The following IL20RA variants were observed in gnomAD, a reference collection of about 807,000 sequenced individuals.
IL20RA encodes the protein interleukin-20 receptor subunit alpha.
In IL20RA, 29 loss-of-function variants were observed where a neutral mutation model predicts 36.5. The observed-to-expected ratio is 0.79, with a 90% CI of 0.59 to 1.08. The LOEUF (loss-of-function observed/expected upper bound fraction) is 1.08, where lower values mean the gene tolerates loss of function less well. IL20RA is among the 50% of genes least tolerant of loss of function. The pLI, the probability that IL20RA is intolerant of heterozygous loss-of-function variation, is 0.00. For missense variants in IL20RA, 652 were observed against 668.4 expected (o/e 0.98, Z 0.27); for synonymous variants, 279 against 267.1 (o/e 1.04, Z -0.43).
chr6:137,004,339 C>T (rs191589146), intron 6 of IL20RA, among the ~76,000 whole-genome samples: 1 of 151,920 alleles, frequency 6.6e-6, no homozygotes, highest in Admixed American at 6.6e-5. Context: ...CCACATCCAG[C>T]TAATTTTTGC....
chr6:137,014,564 T>A (rs537569419), intron 2 of IL20RA, among the ~76,000 whole-genome samples: 19 of 152,330 alleles, frequency 1.2e-4, no homozygotes, highest in Non-Finnish European at 2.1e-4. Flanking sequence ...AAGACATATT[T>A]GTTCCTAAAA....
intron 5 of IL20RA, among the ~76,000 whole-genome samples, chr6:137,005,965 T>C (rs1480794625): frequency 1.3e-5 from 2 of 152,202 alleles, no homozygotes. Context: ...TATATCGATA[T>C]GTGCATCTAT....
intron 1 of IL20RA, among the ~76,000 whole-genome samples, chr6:137,033,780 G>A (rs777897290): frequency 6.6e-6 from 1 of 152,134 alleles, no homozygotes; most frequent in East Asian, 1.9e-4. Flanking sequence ...GTAGCAAGGC[G>A]AGAATGGACC....
In IL20RA at chr6:137,011,258, T is replaced by C. The variant is rs371538746; in HGVS notation, c.403+16A>G. ...ATACATGTTTAACTGACCATTGCAA[T>C]AATGGCATTACTTACTTTCTAAAAA... On this transcript the variant is annotated intron_variant, in intron 3 of 6. Transcript: ENST00000316649. 1.2e-4 allele frequency: 185 copies of C among 1,589,960 alleles called. No individual in the cohort carries two copies. The highest frequency in any genetic ancestry group is 1.5e-4 in the Non-Finnish European group (173 of 1,164,992).
intron 5 of IL20RA, among the ~76,000 whole-genome samples, chr6:137,006,423 C>T (rs922034857): frequency 6.6e-5 from 10 of 152,160 alleles, no homozygotes; most frequent in African/African-American, 2.4e-4. Context: ...TAATACAATC[C>T]CTGGTCCCTG....
intron 1 of IL20RA, among the ~76,000 whole-genome samples, chr6:137,027,193 C>A (rs768641958): frequency 6.6e-6 from 1 of 152,114 alleles, no homozygotes; most frequent in Non-Finnish European, 1.5e-5. Flanking sequence ...AAAAGTAAGT[C>A]TTCTAAACAG....
At chr6:137,029,400 G>A (rs1582835270) in intron 1 of IL20RA, among the ~76,000 whole-genome samples, 1 of 152,156 alleles carries the variant, frequency 6.6e-6, no homozygotes, top group African/African-American at 2.4e-5. Flanking sequence ...TCAGCTACTC[G>A]AGAGGCTGAG....
chr6:137,002,560 C>A (rs1326005466), intron 6 of IL20RA, among the ~76,000 whole-genome samples: 3 of 152,182 alleles, frequency 2.0e-5, no homozygotes. Flanking sequence ...TAGTTGGAAG[C>A]GAGAAGTGAT....
intron 2 of IL20RA, among the ~76,000 whole-genome samples, chr6:137,014,262 A>G (rs1049929257): frequency 6.6e-6 from 1 of 152,056 alleles, no homozygotes; most frequent in South Asian, 2.1e-4. Context: ...AATATGGTAA[A>G]TTTTTTTAAT....
intron 1 of IL20RA, among the ~76,000 whole-genome samples, chr6:137,027,499 A>T (rs1776135285): frequency 6.6e-6 from 1 of 152,196 alleles, no homozygotes; most frequent in Non-Finnish European, 1.5e-5. Flanking sequence ...CCAAAGTTCT[A>T]GGGTCACACT....
intron 1 of IL20RA, among the ~76,000 whole-genome samples, chr6:137,043,745 T>C (rs1019063350): frequency 1.3e-5 from 2 of 152,190 alleles, no homozygotes; most frequent in Admixed American, 6.5e-5. Flanking sequence ...CTGAACGAAG[T>C]GTCTACAAAG....
At chr6:137,009,720 C>T (rs886956145) in intron 3 of IL20RA, among the ~76,000 whole-genome samples, 1 of 151,062 alleles carries the variant, frequency 6.6e-6, no homozygotes, top group Admixed American at 6.6e-5. Flanking sequence ...ATTCTCCTGC[C>T]TCAGCCTCCC....
Position 137,001,981 on chromosome 6 carries a change from C to G in IL20RA, c.1239G>C (p.Gly413=). 1 of 1,614,182 alleles carries G rather than the reference C, an allele frequency of 6.2e-7. No individual in the cohort carries two copies. Among genetic ancestry groups the G allele is most frequent in the Non-Finnish European group, 8.5e-7 (1 of 1,180,030 alleles). The part of the protein sequence containing the change: ...YDVRTTDICA[G]PEEQELSLQE... ...GCAAACTGAGCTCCTGCTCTTCAGGCCCCGCACAAATGTCAGTGGTTCTGA... is the reference window on the plus strand; with the variant it reads ...GCAAACTGAGCTCCTGCTCTTCAGGGCCCGCACAAATGTCAGTGGTTCTGA... Residue 413 remains glycine, a synonymous_variant, in exon 7 of 7, where the codon GGG becomes GGC. Transcript: ENST00000316649.
chr6:137,022,502 T>C (rs1775939721), intron 1 of IL20RA, among the ~76,000 whole-genome samples: 1 of 152,346 alleles, frequency 6.6e-6, no homozygotes, highest in African/African-American at 2.4e-5. Context: ...AATCATACTA[T>C]AGTCAATCCT....
chr6:137,044,803 C>G lies in IL20RA; in HGVS notation c.-75G>C, dbSNP rs562119825. On this transcript the variant is annotated 5_prime_UTR_variant, in exon 1 of 7. Transcript: ENST00000316649. ...CACGCCCGCTGGGGCCAAGCGCGGC[C>G]GCGCGGCCTCAGCTCCGCGCCTGGG... The G allele has an allele frequency of 8.1e-5, 97 of 1,193,812 alleles. No homozygotes were observed. The African/African-American group carries it at 1.4e-3, about 17-fold the overall frequency. The allele number at this position is 1,193,812 out of a possible 1,614,324, so 74.0% of individuals were successfully genotyped here.
Position 137,001,216 on chromosome 6 carries a change from A to C in IL20RA, c.*342T>G. On this transcript the variant is annotated 3_prime_UTR_variant, in exon 7 of 7. Coordinates refer to ENST00000316649, the MANE Select transcript of IL20RA (RefSeq NM_014432.4). ...GCATATGGGAAGTACCCAGAAAATAATTGTACAAGTGTGCTTGTTTGAAAA... is the reference window on the plus strand; with the variant it reads ...GCATATGGGAAGTACCCAGAAAATACTTGTACAAGTGTGCTTGTTTGAAAA... The C allele has an allele frequency of 5.4e-6, 1 of 186,574 alleles. No individual in the cohort carries two copies. 11.6% of individuals were successfully genotyped at this position (186,574 alleles called of 1,614,324 possible).
Position 137,027,763 on chromosome 6 carries a change from A to G in IL20RA, c.89-10660T>C, listed in dbSNP as rs141761491. Among the ~76,000 whole-genome samples, 445 of 152,330 alleles carry G rather than the reference A, an allele frequency of 2.9e-3. 16 individuals are homozygous for G. The South Asian group carries it at 0.062, about 21-fold the overall frequency. The stretch of plus-strand genomic sequence containing the variant: ...TTTACAGCTTAGTGGATAGAGGCCC[A>G]GGGAGGTTGAATGACTTGCCCATGG... On this transcript the variant is annotated intron_variant, in intron 1 of 6. Transcript: ENST00000316649.
chr6:137,044,838 G>T lies in IL20RA; in HGVS notation c.-110C>A. ...CAGCTCCGCGCCTGGGGCTCTGCGT[G>T]CCACGCTCCAGGCGACCTGAGTCCC... is the stretch of plus-strand genomic sequence containing the variant. On this transcript the variant is annotated 5_prime_UTR_variant, in exon 1 of 7. Coordinates refer to ENST00000316649, the MANE Select transcript of IL20RA (RefSeq NM_014432.4). 1 of 1,045,576 alleles carries T rather than the reference G, an allele frequency of 9.6e-7. No homozygotes were observed. Among genetic ancestry groups the T allele is most frequent in the Non-Finnish European group, 1.2e-6 (1 of 829,368 alleles). The allele number at this position is 1,045,576 out of a possible 1,614,324, so 64.8% of individuals were successfully genotyped here.
intron 1 of IL20RA, among the ~76,000 whole-genome samples, chr6:137,026,646 G>A (rs916421068): frequency 6.6e-6 from 1 of 152,174 alleles, no homozygotes; most frequent in Admixed American, 6.5e-5. Context: ...AACACCAGGG[G>A]ATGATTGACT....
Sources: allele counts gnomAD v4.1 joint callset (sites outside exome capture counted in the v4.1 genomes callset), GRCh38; gene constraint gnomAD v4.1.1; transcripts MANE v1.5; gene names NCBI Gene and HGNC (gene_info 2026-07-23, HGNC 2026-07-21).